The following THSD7B variants were observed in gnomAD, a reference collection of about 807,000 sequenced individuals.
THSD7B encodes thrombospondin type 1 domain containing 7B, also known as thrombospondin type-1 domain-containing protein 7B.
Under a neutral mutation model 213.6 loss-of-function variants are expected in THSD7B, and 138 were observed. The ratio of observed to expected loss-of-function variants is 0.65; its 90% CI spans 0.56 to 0.74. The LOEUF (loss-of-function observed/expected upper bound fraction) is 0.74, where lower values mean the gene tolerates loss of function less well. Among genes scored for constraint, THSD7B ranks in the 30% least tolerant of loss-of-function variants. THSD7B has a pLI of 0.00. For synonymous variants in THSD7B, 742 were observed against 687.0 expected (o/e 1.08, Z -1.25); for missense variants, 1,931 against 1,991.5 (o/e 0.97, Z 0.58).
intron 3 of THSD7B, among the ~76,000 whole-genome samples, chr2:137,083,606 C>CA (rs771499160): frequency 6.6e-6 from 1 of 152,066 alleles, no homozygotes; most frequent in Non-Finnish European, 1.5e-5. Context: ...AGTTTAGAGT[C>CA]AAAATCATTA....
chr2:137,116,834 CA>C (rs1485335385), intron 5 of THSD7B, among the ~76,000 whole-genome samples: 3 of 152,120 alleles, frequency 2.0e-5, no homozygotes, highest in Non-Finnish European at 4.4e-5. Context: ...GTGTTAATTG[CA>C]GAGTGAGCAA....
chr2:137,493,320 C>A (rs1679478275), intron 15 of THSD7B, among the ~76,000 whole-genome samples: 2 of 152,038 alleles, frequency 1.3e-5, no homozygotes, highest in African/African-American at 4.8e-5. Context: ...CTTTCTCTAA[C>A]CCTTTGTAGA....
At chr2:137,429,014 A>G (rs994948149) in intron 14 of THSD7B, among the ~76,000 whole-genome samples, 10 of 152,180 alleles carry the variant, frequency 6.6e-5, no homozygotes, top group African/African-American at 2.4e-4. Flanking sequence ...TTGCCAGCAC[A>G]TTGATCTTGG....
intron 1 of THSD7B, among the ~76,000 whole-genome samples, chr2:136,843,592 C>T (rs536904233): frequency 1.3e-4 from 20 of 152,226 alleles, no homozygotes; most frequent in Non-Finnish European, 1.8e-4. Flanking sequence ...TGCCACACTC[C>T]GATGGAAGAG....
chr2:136,932,360 C>G (rs951412047), intron 2 of THSD7B, among the ~76,000 whole-genome samples: 5 of 152,268 alleles, frequency 3.3e-5, no homozygotes, highest in African/African-American at 1.2e-4. Context: ...TGAGTCATGG[C>G]AGGAAGATAT....
chr2:136,940,323 T>C (rs1355449955), intron 2 of THSD7B, among the ~76,000 whole-genome samples: 2 of 152,292 alleles, frequency 1.3e-5, no homozygotes, highest in East Asian at 3.9e-4. Flanking sequence ...CCAACCATGC[T>C]GCTACAAAAG....
chr2:137,157,977 T>C (rs931086025), intron 5 of THSD7B, among the ~76,000 whole-genome samples: 4 of 152,202 alleles, frequency 2.6e-5, no homozygotes, highest in African/African-American at 9.6e-5. Context: ...CAGATTGAAA[T>C]ACACTTCTGC....
rs79512525 is a variant in THSD7B, at chr2:137,058,678, C to T, written c.950+1448C>T. On this transcript the variant is annotated intron_variant, in intron 3 of 27. Transcript: ENST00000409968. ...TGTTCCCCTCCCCAAATTTATGTAT[C>T]GAAATTCTAACCATGAGTGTAATGT... Among the ~76,000 whole-genome samples, 534 of 152,210 alleles carry T rather than the reference C, an allele frequency of 3.5e-3. 8 individuals are homozygous for T. The East Asian group carries it at 0.043, about 12-fold the overall frequency.
chr2:137,598,806 G>T (rs1246038062), intron 17 of THSD7B, among the ~76,000 whole-genome samples: 1 of 151,784 alleles, frequency 6.6e-6, no homozygotes, highest in African/African-American at 2.4e-5. Flanking sequence ...ACCCTTGAAA[G>T]AAAACCTTAG....
chr2:137,093,037 A>G (rs1687978924), intron 3 of THSD7B, among the ~76,000 whole-genome samples: 1 of 152,208 alleles, frequency 6.6e-6, no homozygotes, highest in African/African-American at 2.4e-5. Flanking sequence ...TTCTTCGAAT[A>G]TTATCCTTTT....
rs75677789 is a variant in THSD7B, at chr2:137,109,553, G to A, written c.1200-5571G>A. Among the ~76,000 whole-genome samples, 630 of 152,276 alleles carry A rather than the reference G, an allele frequency of 4.1e-3. 3 individuals are homozygous for A. Among genetic ancestry groups the A allele is most frequent in the African/African-American group, 0.015 (604 of 41,546 alleles). ...TCCTGCAACTAGACAGTCCCATCTG[G>A]GGGTGGTGATGGGAGGCAGTGATGG... is the stretch of plus-strand genomic sequence containing the variant. On this transcript the variant is annotated intron_variant, in intron 4 of 27. Transcript: ENST00000409968.
chr2:137,075,656 G>A (rs1274445184), intron 3 of THSD7B, among the ~76,000 whole-genome samples: 1 of 152,120 alleles, frequency 6.6e-6, no homozygotes, highest in Non-Finnish European at 1.5e-5. Flanking sequence ...GAGCAGGAGA[G>A]GCGCTCTGAT....
At chr2:137,372,715 A>G (rs1685558201) in intron 12 of THSD7B, among the ~76,000 whole-genome samples, 1 of 151,924 alleles carries the variant, frequency 6.6e-6, no homozygotes, top group Admixed American at 6.6e-5. Context: ...TTCTTATTAT[A>G]CTTTAAGTTT....
intron 12 of THSD7B, among the ~76,000 whole-genome samples, chr2:137,330,458 G>A (rs1021744456): frequency 6.6e-6 from 1 of 152,212 alleles, no homozygotes; most frequent in Non-Finnish European, 1.5e-5. Context: ...CCCTCATGGT[G>A]AGTGTTACAG....
In THSD7B at chr2:137,348,703, CTTTTTTTTTTT is replaced by C. The variant is rs80150345; in HGVS notation, c.2501-56899_2501-56889del. On this transcript the variant is annotated intron_variant, in intron 12 of 27. Coordinates refer to ENST00000409968, the MANE Select transcript of THSD7B (RefSeq NM_001316349.2). The stretch of plus-strand genomic sequence containing the variant: ...TTCTTTATCCTATCTCTATGAACTC[CTTTTTTTTTTT>C]TTTTTTTTTTGTTCCTTTTCAGTTT... Among the ~76,000 whole-genome samples the C allele has an allele frequency of 5.4e-5, 6 of 110,908 alleles. No homozygotes were observed. The East Asian group carries it at 1.5e-3, about 28-fold the overall frequency. The allele number at this position is 110,908 out of a possible 152,430, so 72.8% of individuals were successfully genotyped here.
chr2:137,472,369 T>C (rs1410748562), intron 15 of THSD7B, among the ~76,000 whole-genome samples: 2 of 152,190 alleles, frequency 1.3e-5, no homozygotes, highest in African/African-American at 4.8e-5. Flanking sequence ...ATAGCTTCTA[T>C]CCATCTATAT....
chr2:137,414,481 G>A (rs1352430100), intron 14 of THSD7B, among the ~76,000 whole-genome samples: 1 of 152,088 alleles, frequency 6.6e-6, no homozygotes, highest in Non-Finnish European at 1.5e-5. Context: ...CACTTTGGGA[G>A]GCATAGGTGG....
rs1679584324 is a variant in THSD7B, at chr2:137,497,044, T to C, written c.3138+46021T>C. Among the ~76,000 whole-genome samples, 3 of 152,168 alleles carry C rather than the reference T, an allele frequency of 2.0e-5. No homozygotes were observed. The South Asian group carries it at 6.2e-4, about 32-fold the overall frequency. ...AATTTTTATTTGGTCCTCTAAGGGA[T>C]TGTAATTCAAAACAGGGTTAATAAA... On this transcript the variant is annotated intron_variant, in intron 15 of 27. Coordinates refer to ENST00000409968, the MANE Select transcript of THSD7B (RefSeq NM_001316349.2).
Position 136,927,951 on chromosome 2 carries a change from G to A in THSD7B, c.139+45634G>A, listed in dbSNP as rs74410816. 6.3e-3 allele frequency among the ~76,000 whole-genome samples: 961 copies of A among 152,308 alleles called. 11 individuals carry two copies. The highest frequency in any genetic ancestry group is 0.022 in the African/African-American group (915 of 41,564). On this transcript the variant is annotated intron_variant, in intron 2 of 27. Transcript: ENST00000409968. Reference sequence around the variant, plus strand: ...TCATCTCCAGGTTTGGAAGTCAGGAGGGAGAGAAGTGGGAGAGGGAGATAG... The same window carrying A: ...TCATCTCCAGGTTTGGAAGTCAGGAAGGAGAGAAGTGGGAGAGGGAGATAG...
Sources: gnomAD v4.1 joint callset for allele counts (sites outside exome capture counted in the v4.1 genomes callset) on GRCh38, gnomAD v4.1.1 for gene constraint, MANE v1.5 for transcripts, NCBI Gene and HGNC (gene_info 2026-07-23, HGNC 2026-07-21) for gene names.